The following WDR70 variants were observed in gnomAD, a reference collection of about 807,000 sequenced individuals.
The protein encoded by WDR70 is WD repeat domain 70, also known as WD repeat-containing protein 70.
In WDR70, 53 loss-of-function variants were observed where a neutral mutation model predicts 88.6. That is an observed-to-expected ratio of 0.60 (90% CI 0.48 to 0.75). The LOEUF is 0.75. WDR70 is among the 30% of genes least tolerant of loss of function. The pLI is 0.00. For missense variants in WDR70, 610 were observed against 823.2 expected, an observed-to-expected ratio of 0.74 and a Z score of 3.17; for synonymous variants, 280 against 270.0, an observed-to-expected ratio of 1.04 and a Z score of -0.36.
intron 8 of WDR70, among the ~76,000 whole-genome samples, chr5:37,486,792 G>A (rs1561871607): frequency 6.9e-6 from 1 of 145,094 alleles, no homozygotes; most frequent in East Asian, 2.0e-4. Flanking sequence ...GTCTGTTTAT[G>A]TTCTTTGCCC....
At chr5:37,670,665 G>A (rs1243353027) in intron 10 of WDR70, among the ~76,000 whole-genome samples, 3 of 152,158 alleles carry the variant, frequency 2.0e-5, no homozygotes, top group Non-Finnish European at 4.4e-5. Flanking sequence ...GTGACTACTT[G>A]TAAGTGGAAG....
chr5:37,460,862 A>G (rs1284146971), intron 7 of WDR70, among the ~76,000 whole-genome samples: 1 of 151,910 alleles, frequency 6.6e-6, no homozygotes, highest in Non-Finnish European at 1.5e-5. Flanking sequence ...TTGGTGTTAT[A>G]GTTTCTCAGT....
chr5:37,653,092 T>G (rs1225093034), intron 10 of WDR70, among the ~76,000 whole-genome samples: 2 of 152,198 alleles, frequency 1.3e-5, no homozygotes, highest in African/African-American at 2.4e-5. Flanking sequence ...TAAATAGCTC[T>G]TATTATTTTG....
intron 10 of WDR70, among the ~76,000 whole-genome samples, chr5:37,637,709 A>G (rs1745010679): frequency 6.6e-6 from 1 of 152,182 alleles, no homozygotes; most frequent in African/African-American, 2.4e-5. Flanking sequence ...ACGTCTCCCG[A>G]TGCCATTAAA....
At position 37,719,892 on chromosome 5, in the gene WDR70, G is replaced by A. The variant is rs1440250265; in HGVS notation, c.1417-1223G>A. 1.4e-4 allele frequency among the ~76,000 whole-genome samples: 21 copies of A among 148,096 alleles called. No homozygotes were observed. The Admixed American group carries it at 1.4e-3, about 10-fold the overall frequency. On this transcript the variant is annotated intron_variant, in intron 13 of 17. Coordinates refer to ENST00000265107, the MANE Select transcript of WDR70 (RefSeq NM_018034.4). ...GAGTCTCACTCTGTCACCCAGGCTG[G>A]AATGCAGTGGCACAATCATAGCTCA...
intron 2 of WDR70, among the ~76,000 whole-genome samples, chr5:37,381,241 T>G (rs1748414959): frequency 6.6e-6 from 1 of 152,260 alleles, no homozygotes; most frequent in Non-Finnish European, 1.5e-5. Flanking sequence ...CTGTTCTGCA[T>G]CTTTGCCTTT....
chr5:37,551,330 A>C (rs1192936765), intron 9 of WDR70, among the ~76,000 whole-genome samples: 1 of 151,270 alleles, frequency 6.6e-6, no homozygotes, highest in Non-Finnish European at 1.5e-5. Context: ...AAAAAATTAC[A>C]ACAACAAAAA....
At chr5:37,618,826 A>G (rs1043425210) in intron 10 of WDR70, among the ~76,000 whole-genome samples, 1 of 152,184 alleles carries the variant, frequency 6.6e-6, no homozygotes, top group African/African-American at 2.4e-5. Context: ...GCTGTTCTGC[A>G]TGGAGAATAA....
intron 4 of WDR70, among the ~76,000 whole-genome samples, chr5:37,393,897 G>A (rs964631608): frequency 4.6e-5 from 7 of 152,134 alleles, no homozygotes; most frequent in Non-Finnish European, 1.5e-5. Context: ...GCCCAGGCTA[G>A]TCTTGAACTC....
At chr5:37,553,575 C>T (rs558004288) in intron 9 of WDR70, among the ~76,000 whole-genome samples, 1 of 152,300 alleles carries the variant, frequency 6.6e-6, no homozygotes, top group South Asian at 2.1e-4. Context: ...TGTGCGTGCG[C>T]ATGTGTGCTT....
intron 8 of WDR70, among the ~76,000 whole-genome samples, chr5:37,487,894 G>C (rs1386105662): frequency 2.0e-5 from 3 of 151,864 alleles, no homozygotes; most frequent in East Asian, 3.9e-4. Flanking sequence ...AAAGTGCTGG[G>C]ATTACAGGCA....
intron 10 of WDR70, among the ~76,000 whole-genome samples, chr5:37,694,524 AAG>A (rs1298568004): frequency 6.6e-6 from 1 of 152,230 alleles, no homozygotes; most frequent in Non-Finnish European, 1.5e-5. Flanking sequence ...AGCCATAAAA[AAG>A]GATGAGTTCA....
intron 9 of WDR70, among the ~76,000 whole-genome samples, chr5:37,562,130 G>T (rs1030690037): frequency 3.9e-5 from 6 of 152,208 alleles, no homozygotes; most frequent in African/African-American, 7.2e-5. Context: ...GGCCAAGGCA[G>T]GTGGATCACT....
intron 10 of WDR70, among the ~76,000 whole-genome samples, chr5:37,675,868 A>G: frequency 6.6e-6 from 1 of 152,186 alleles, no homozygotes; most frequent in Non-Finnish European, 1.5e-5. Flanking sequence ...ACCCATGAGC[A>G]TGGAATGTTC....
At chr5:37,696,419 A>G (rs1397967620) in intron 10 of WDR70, among the ~76,000 whole-genome samples, 1 of 151,948 alleles carries the variant, frequency 6.6e-6, no homozygotes, top group African/African-American at 2.4e-5. Context: ...GGTGTCAGGG[A>G]TATTATTTGG....
intron 7 of WDR70, among the ~76,000 whole-genome samples, chr5:37,457,104 C>CT (rs1343602512): frequency 6.6e-6 from 1 of 151,166 alleles, no homozygotes; most frequent in Non-Finnish European, 1.5e-5. Flanking sequence ...TTGATAATGT[C>CT]TTTTTTTTTG....
In WDR70 at chr5:37,568,194, G is replaced by A. The variant is rs527942330; in HGVS notation, c.918-36870G>A. Among the ~76,000 whole-genome samples, 10 of 152,264 alleles carry A rather than the reference G, an allele frequency of 6.6e-5. No individual in the cohort carries two copies. In the South Asian group the frequency reaches 2.1e-3, roughly 32 times the overall value. On this transcript the variant is annotated intron_variant, in intron 9 of 17. Coordinates refer to ENST00000265107, the MANE Select transcript of WDR70 (RefSeq NM_018034.4). ...CCTTCTTGTGGTACAGGGGTGTAGT[G>A]AGTGATTCTGTGAATTTTTTAGGAG...
At chr5:37,588,012 G>C (rs1323445183) in intron 9 of WDR70, among the ~76,000 whole-genome samples, 5 of 152,008 alleles carry the variant, frequency 3.3e-5, no homozygotes, top group African/African-American at 1.2e-4. Flanking sequence ...ATTCATCCTG[G>C]TTTCTTCAGG....
At chr5:37,413,718 C>CT (rs1749598400) in intron 5 of WDR70, among the ~76,000 whole-genome samples, 1 of 98,366 alleles carries the variant, frequency 1.0e-5, no homozygotes, top group Admixed American at 1.2e-4. Context: ...GAGACTCTGT[C>CT]TCAAAAAAAA....
Sources: allele counts gnomAD v4.1 joint callset (sites outside exome capture counted in the v4.1 genomes callset), GRCh38; gene constraint gnomAD v4.1.1; transcripts MANE v1.5; gene names NCBI Gene and HGNC (gene_info 2026-07-23, HGNC 2026-07-21).